Variants in RPTOR observed in about 807,000 individuals in gnomAD.
RPTOR encodes the protein regulatory associated protein of MTOR complex 1, also known as regulatory-associated protein of mTOR.
Under a neutral mutation model 169.9 loss-of-function variants are expected in RPTOR, and 21 were observed. The observed-to-expected ratio is 0.12, with a 90% CI of 0.09 to 0.18. RPTOR has a LOEUF of 0.18. Among genes scored for constraint, RPTOR ranks in the 10% least tolerant of loss-of-function variants. The pLI is 1.00. For missense variants in RPTOR, 1,133 were observed against 1,855.9 expected, an observed-to-expected ratio of 0.61 and a Z score of 7.16; for synonymous variants, 732 against 753.2, an observed-to-expected ratio of 0.97 and a Z score of 0.46.
intron 3 of RPTOR, among the ~76,000 whole-genome samples, chr17:80,660,249 C>T (rs886378053): frequency 7.0e-4 from 98 of 140,804 alleles, no homozygotes; most frequent in African/African-American, 2.3e-3. Context: ...CCAGCCTGGG[C>T]GGCAGAGCGA....
At chr17:80,848,070 G>T (rs1378040713) in intron 11 of RPTOR, among the ~76,000 whole-genome samples, 1 of 152,242 alleles carries the variant, frequency 6.6e-6, no homozygotes, top group Non-Finnish European at 1.5e-5. Context: ...AAGAGGAGTT[G>T]GGAGAAGGAA....
intron 2 of RPTOR, among the ~76,000 whole-genome samples, chr17:80,632,851 C>T (rs1219846924): frequency 6.6e-6 from 1 of 152,166 alleles, no homozygotes; most frequent in African/African-American, 2.4e-5. Flanking sequence ...GTTGCCCAGG[C>T]TGGAGTGCAG....
In RPTOR at chr17:80,829,844, A is replaced by G. The variant is rs1028068066; in HGVS notation, c.1136+6621A>G. On this transcript the variant is annotated intron_variant, in intron 9 of 33. Coordinates refer to ENST00000306801, the MANE Select transcript of RPTOR (RefSeq NM_020761.3). The stretch of plus-strand genomic sequence containing the variant: ...TGGGAAGTGCCAAATAAGTAATATT[A>G]AAGGGTTCTTTGTACAGAAATCAAT... 2.6e-5 allele frequency among the ~76,000 whole-genome samples: 4 copies of G among 152,226 alleles called. No individual in the cohort carries two copies. The East Asian group carries it at 7.7e-4, about 29-fold the overall frequency.
intron 9 of RPTOR, among the ~76,000 whole-genome samples, chr17:80,834,951 C>G (rs1053919675): frequency 1.3e-5 from 2 of 152,170 alleles, no homozygotes; most frequent in African/African-American, 4.8e-5. Context: ...TGATTAAATT[C>G]GAGGAATCTT....
chr17:80,546,291 T>A (rs973169923), intron 1 of RPTOR, among the ~76,000 whole-genome samples: 1 of 152,252 alleles, frequency 6.6e-6, no homozygotes, highest in Non-Finnish European at 1.5e-5. Flanking sequence ...TACACTGAAC[T>A]TCATTCTAGT....
chr17:80,942,218 G>A (rs1057389320), intron 25 of RPTOR, among the ~76,000 whole-genome samples: 2 of 151,786 alleles, frequency 1.3e-5, no homozygotes, highest in African/African-American at 4.8e-5. Flanking sequence ...TGCTAGCTGG[G>A]ATGGCCAGCA....
intron 1 of RPTOR, among the ~76,000 whole-genome samples, chr17:80,573,641 C>T (rs570915826): frequency 1.3e-5 from 2 of 152,144 alleles, no homozygotes; most frequent in Non-Finnish European, 2.9e-5. Flanking sequence ...TCCATGTCAT[C>T]AGGAGCCCTG....
intron 21 of RPTOR, among the ~76,000 whole-genome samples, chr17:80,918,512 A>AG (rs1464670233): frequency 8.5e-6 from 1 of 117,808 alleles, no homozygotes; most frequent in Non-Finnish European, 1.9e-5. Flanking sequence ...CATAGCCATG[A>AG]GCACCCTCGC....
At chr17:80,804,155 C>T (rs983695361) in intron 7 of RPTOR, 8 of 152,268 alleles carry the variant, frequency 5.3e-5, no homozygotes, top group Non-Finnish European at 7.3e-5. Context: ...ACATTTTGCT[C>T]CATGAATCAG....
intron 6 of RPTOR, among the ~76,000 whole-genome samples, chr17:80,781,371 A>G (rs1443290893): frequency 6.6e-6 from 1 of 152,160 alleles, no homozygotes; most frequent in African/African-American, 2.4e-5. Context: ...CCACCCCAAG[A>G]CAACACTTCC....
At chr17:80,832,652 G>C (rs2067518798) in intron 9 of RPTOR, among the ~76,000 whole-genome samples, 1 of 152,210 alleles carries the variant, frequency 6.6e-6, no homozygotes, top group Non-Finnish European at 1.5e-5. Flanking sequence ...ACTGAGGACT[G>C]AGCTGCTGTG....
At position 80,966,268 on chromosome 17, in the gene RPTOR, T is replaced by C. The variant is rs2069431430; in HGVS notation, c.*1938T>C. 1 of 232,720 alleles carries C rather than the reference T, an allele frequency of 4.3e-6. No individual in the cohort carries two copies. The allele number at this position is 232,720 out of a possible 1,614,324, so 14.4% of individuals were successfully genotyped here. On this transcript the variant is annotated 3_prime_UTR_variant, in exon 34 of 34. Transcript: ENST00000306801. Reference sequence around the variant, plus strand: ...GCCGGCCTAGAGGCTCATTATCTATTTATTTTACCAAACGCGAATTGAGAC... The same window carrying C: ...GCCGGCCTAGAGGCTCATTATCTATCTATTTTACCAAACGCGAATTGAGAC...
chr17:80,919,104 C>T (rs2068715040), intron 21 of RPTOR, among the ~76,000 whole-genome samples: 1 of 152,236 alleles, frequency 6.6e-6, no homozygotes, highest in African/African-American at 2.4e-5. Flanking sequence ...AAGTGAAATT[C>T]CTTAAGGCTT....
At chr17:80,605,588 G>A (rs899764965) in intron 1 of RPTOR, among the ~76,000 whole-genome samples, 2 of 152,134 alleles carry the variant, frequency 1.3e-5, no homozygotes, top group African/African-American at 2.4e-5. Context: ...GGGGCATACC[G>A]GCTGCAAAAC....
In RPTOR at chr17:80,630,131, T is replaced by G. The variant is rs566149760; in HGVS notation, c.265+4338T>G. 1.6e-4 allele frequency among the ~76,000 whole-genome samples: 24 copies of G among 152,372 alleles called. No homozygotes were observed. The South Asian group carries it at 4.8e-3, about 30-fold the overall frequency. ...TTCATCATAGTTACCTTAGAGTCCT[T>G]GATCTATAGTTCAGAAAACAGGGTC... On this transcript the variant is annotated intron_variant, in intron 2 of 33. Coordinates refer to ENST00000306801, the MANE Select transcript of RPTOR (RefSeq NM_020761.3).
chr17:80,679,018 C>T (rs2065879539), intron 3 of RPTOR, among the ~76,000 whole-genome samples: 1 of 152,280 alleles, frequency 6.6e-6, no homozygotes, highest in Non-Finnish European at 1.5e-5. Context: ...GAAGTGGCCT[C>T]TGCTTCTTCT....
intron 1 of RPTOR, among the ~76,000 whole-genome samples, chr17:80,598,785 A>G (rs2065163041): frequency 6.6e-6 from 1 of 152,236 alleles, no homozygotes; most frequent in African/African-American, 2.4e-5. Context: ...TCACAGTAGA[A>G]TCCAGAAGAG....
intron 13 of RPTOR, among the ~76,000 whole-genome samples, chr17:80,874,931 G>A (rs541799517): frequency 9.8e-5 from 15 of 152,302 alleles, no homozygotes; most frequent in African/African-American, 3.1e-4. Flanking sequence ...AACACGGCCC[G>A]TATCTCTGTG....
At position 80,936,954 on chromosome 17, in the gene RPTOR, C is replaced by G. The variant is rs982141339; in HGVS notation, c.2920-3542C>G. ...AGACACTGGCAGAATCAAATCACCT[C>G]TGTTGCCTGTGGACTCACGACGCAC... On this transcript the variant is annotated intron_variant, in intron 24 of 33. Transcript: ENST00000306801. The surrounding 1 kb of genome is among the most constrained non-coding windows in gnomAD (Gnocchi z 4.1). Among the ~76,000 whole-genome samples the G allele has an allele frequency of 6.6e-6, 1 of 152,250 alleles. No individual in the cohort carries two copies. Among genetic ancestry groups the G allele is most frequent in the African/African-American group, 2.4e-5 (1 of 41,472 alleles).
Sources: gnomAD v4.1 joint callset for allele counts (sites outside exome capture counted in the v4.1 genomes callset) on GRCh38, gnomAD v4.1.1 for gene constraint, Gnocchi (gnomAD v3.1) non-coding constraint, MANE v1.5 for transcripts, NCBI Gene and HGNC (gene_info 2026-07-23, HGNC 2026-07-21) for gene names.